PCDH15: variants seen among roughly 807,000 people sequenced by gnomAD.
PCDH15 encodes the protein protocadherin related 15, also known as protocadherin-15.
PCDH15 carries 129 observed loss-of-function variants against 178.5 expected under a neutral mutation model. The ratio of observed to expected loss-of-function variants is 0.72; its 90% CI spans 0.63 to 0.84. The LOEUF is 0.84. Among genes scored for constraint, PCDH15 ranks in the 40% least tolerant of loss-of-function variants. The probability of loss-of-function intolerance (pLI) is 0.00; values close to 1 mark genes in which losing one functional copy is unlikely to be tolerated. For synonymous variants in PCDH15, 800 were observed against 732.0 expected (o/e 1.09, Z -1.50); for missense variants, 2,230 against 2,099.9 (o/e 1.06, Z -1.21).
chr10:53,920,043 GAA>G (rs892662436), intron 25 of PCDH15, among the ~76,000 whole-genome samples: 7 of 152,092 alleles, frequency 4.6e-5, no homozygotes, highest in African/African-American at 7.2e-5. Flanking sequence ...GCCTTCATTT[GAA>G]AATATCTCTT....
chr10:54,224,359 T>G (rs2053202386), intron 9 of PCDH15, among the ~76,000 whole-genome samples: 1 of 152,124 alleles, frequency 6.6e-6, no homozygotes, highest in Non-Finnish European at 1.5e-5. Context: ...GGTATTGAAA[T>G]GTAAAAACAT....
chr10:55,075,521 G>A (rs1006738389), intron 2 of PCDH15, among the ~76,000 whole-genome samples: 3 of 151,454 alleles, frequency 2.0e-5, no homozygotes, highest in East Asian at 2.0e-4. Context: ...ATGTGCCACC[G>A]TGTCCAGCTA....
chr10:53,959,356 T>C (rs966847633), intron 23 of PCDH15, among the ~76,000 whole-genome samples: 7 of 151,642 alleles, frequency 4.6e-5, no homozygotes, highest in African/African-American at 1.5e-4. Context: ...GAAAATATGA[T>C]TGCAGATTGC....
At chr10:55,484,582 G>C (rs965444433) in intron 2 of PCDH15, among the ~76,000 whole-genome samples, 1 of 151,686 alleles carries the variant, frequency 6.6e-6, no homozygotes, top group Non-Finnish European at 1.5e-5. Flanking sequence ...ACCCCAGATA[G>C]CCAAAGCAGC....
chr10:54,909,153 T>A (rs138924363), intron 2 of PCDH15, among the ~76,000 whole-genome samples: 1 of 152,150 alleles, frequency 6.6e-6, no homozygotes, highest in Non-Finnish European at 1.5e-5. Flanking sequence ...TGTGCTGTCA[T>A]GGGTGGGCCC....
intron 3 of PCDH15, among the ~76,000 whole-genome samples, chr10:54,414,471 TACAGA>T (rs1373505370): frequency 6.6e-6 from 1 of 152,110 alleles, no homozygotes; most frequent in African/African-American, 2.4e-5. Context: ...AATATTGGGC[TACAGA>T]ACAGAAGTAG....
chr10:55,053,666 A>G (rs1373682580), intron 2 of PCDH15, among the ~76,000 whole-genome samples: 1 of 152,134 alleles, frequency 6.6e-6, no homozygotes, highest in African/African-American at 2.4e-5. Context: ...ATTATTTGAC[A>G]CATTCTTGGT....
chr10:55,608,188 G>A (rs954851667), intron 2 of PCDH15, among the ~76,000 whole-genome samples: 18 of 151,416 alleles, frequency 1.2e-4, no homozygotes, highest in Admixed American at 3.3e-4. Context: ...GAGACACAGC[G>A]AGTGACTATA....
intron 2 of PCDH15, among the ~76,000 whole-genome samples, chr10:54,635,977 CT>C (rs1339464597): frequency 6.6e-6 from 1 of 150,824 alleles, no homozygotes; most frequent in East Asian, 2.0e-4. Context: ...ACTAACCTCT[CT>C]CAAAAAAAAA....
At chr10:55,172,002 C>A (rs1338110861) in intron 1 of PCDH15, among the ~76,000 whole-genome samples, 2 of 151,932 alleles carry the variant, frequency 1.3e-5, no homozygotes, top group Admixed American at 1.3e-4. Context: ...TATTACATTT[C>A]AAAACTTTTA....
chr10:54,063,496 G>T (rs1442494040), intron 18 of PCDH15, among the ~76,000 whole-genome samples: 1 of 152,080 alleles, frequency 6.6e-6, no homozygotes, highest in East Asian at 1.9e-4. Context: ...TCCTATGCAT[G>T]TCCCTCAGAG....
intron 13 of PCDH15, among the ~76,000 whole-genome samples, chr10:54,171,863 A>C (rs1260846576): frequency 1.3e-5 from 2 of 150,630 alleles, no homozygotes; most frequent in African/African-American, 4.9e-5. Context: ...CCACAATATC[A>C]CCCCTTACCA....
chr10:54,015,057 A>C (rs1452504095), intron 20 of PCDH15, among the ~76,000 whole-genome samples: 2 of 152,136 alleles, frequency 1.3e-5, no homozygotes, highest in East Asian at 3.9e-4. Context: ...AACTTCAGCA[A>C]AGTTTCAGGA....
chr10:54,716,602 A>G (rs1164872250), intron 1 of PCDH15, among the ~76,000 whole-genome samples: 2 of 152,048 alleles, frequency 1.3e-5, no homozygotes, highest in East Asian at 3.9e-4. Context: ...ATTTTTGTAC[A>G]TTGATTTTGT....
At chr10:53,906,761 CTCTCT>C (rs1271815042) in intron 25 of PCDH15, 2 of 151,326 alleles carry the variant, frequency 1.3e-5, no homozygotes, top group Non-Finnish European at 2.9e-5. Flanking sequence ...TAACAGCAAA[CTCTCT>C]TCTTTTATGT....
intron 8 of PCDH15, among the ~76,000 whole-genome samples, chr10:54,280,368 T>C (rs11004201): frequency 0.26 from 39,410 of 150,972 alleles, 6,470 homozygotes; most frequent in Middle Eastern, 0.39. Flanking sequence ...GGTGTCTCTA[T>C]CTTAAAAGAT....
At chr10:55,526,980 T>C (rs1240895971) in intron 2 of PCDH15, among the ~76,000 whole-genome samples, 1 of 152,084 alleles carries the variant, frequency 6.6e-6, no homozygotes, top group African/African-American at 2.4e-5. Flanking sequence ...GTTTTTATTA[T>C]GTATAAAGAA....
At position 53,972,311 on chromosome 10, in the gene PCDH15, G is replaced by C; in HGVS notation, c.2869-10419C>G. ...TTCAAGATGGATTAAAGACTTAGAT[G>C]TTAGACCTAAAACCATAAAAACTCT... is the stretch of plus-strand genomic sequence containing the variant. On this transcript the variant is annotated intron_variant, in intron 21 of 37. Coordinates refer to ENST00000644397, the MANE Select transcript of PCDH15 (RefSeq NM_001384140.1). Among the ~76,000 whole-genome samples the C allele has an allele frequency of 2.8e-5, 4 of 142,572 alleles. No homozygotes were observed. In the South Asian group the frequency reaches 8.8e-4, roughly 31 times the overall value. The allele number at this position is 142,572 out of a possible 152,430, so 93.5% of individuals were successfully genotyped here.
intron 2 of PCDH15, among the ~76,000 whole-genome samples, chr10:54,657,621 T>C (rs1054748526): frequency 6.6e-6 from 1 of 151,998 alleles, no homozygotes. Context: ...AAGGAACCCA[T>C]AAAGAACTTT....
Sources: allele counts gnomAD v4.1 joint callset (sites outside exome capture counted in the v4.1 genomes callset), GRCh38; gene constraint gnomAD v4.1.1; transcripts MANE v1.5; gene names NCBI Gene and HGNC (gene_info 2026-07-23, HGNC 2026-07-21).